Variants in VTI1A observed in about 807,000 individuals in gnomAD.
VTI1A encodes vesicle transport through interaction with t-SNAREs 1A.
A neutral mutation model predicts 34.9 loss-of-function variants in VTI1A; 22 were observed. The observed-to-expected ratio is 0.63, with a 90% CI of 0.45 to 0.90. VTI1A has a LOEUF of 0.90. VTI1A is among the 40% of genes least tolerant of loss of function. The probability of loss-of-function intolerance (pLI) is 0.00; values close to 1 mark genes in which losing one functional copy is unlikely to be tolerated. For synonymous variants in VTI1A, 87 were observed against 97.3 expected (o/e 0.89, Z 0.62); for missense variants, 268 against 275.6 (o/e 0.97, Z 0.20).
chr10:112,632,293 T>G (rs1846157152), intron 5 of VTI1A, among the ~76,000 whole-genome samples: 2 of 152,226 alleles, frequency 1.3e-5, no homozygotes. Flanking sequence ...TGAACGTAGT[T>G]TTCCATATGA....
the VTI1A span, among the ~76,000 whole-genome samples, chr10:112,842,037 C>CTTTTTTCTTTT: frequency 7.5e-5 from 3 of 39,902 alleles, no homozygotes; most frequent in African/African-American, 2.6e-4. Flanking sequence ...GAGTTCTTTT[C>CTTTTTTCTTTT]TTTTTTTTTT....
chr10:112,552,824 G>T (rs1259913262), intron 5 of VTI1A, among the ~76,000 whole-genome samples: 8 of 152,184 alleles, frequency 5.3e-5, no homozygotes, highest in Non-Finnish European at 2.9e-5. Context: ...TCATACTGTT[G>T]TGAGAACAAG....
chr10:112,614,112 A>T (rs145915854), intron 5 of VTI1A, among the ~76,000 whole-genome samples: 1 of 152,070 alleles, frequency 6.6e-6, no homozygotes, highest in Non-Finnish European at 1.5e-5. Flanking sequence ...GATTGTACTC[A>T]TGGAAATGTG....
chr10:112,578,774 A>G (rs1026651670), intron 5 of VTI1A, among the ~76,000 whole-genome samples: 1 of 152,214 alleles, frequency 6.6e-6, no homozygotes, highest in African/African-American at 2.4e-5. Context: ...TAAGATACCC[A>G]TTAGATGTAT....
chr10:112,619,357 G>A (rs1463521177), intron 5 of VTI1A, among the ~76,000 whole-genome samples: 2 of 152,042 alleles, frequency 1.3e-5, no homozygotes, highest in Non-Finnish European at 2.9e-5. Context: ...TCATCTGGAG[G>A]TCTGGGTAAG....
In VTI1A at chr10:112,806,000, A is replaced by G. The variant is rs553590709; in HGVS notation, c.561-9290A>G. ...AGAGCGTGCTGATTCCTGTTGAGCT[A>G]AGTATTAAGAAAAATTTAGAAACAG... On this transcript the variant is annotated intron_variant, in intron 7 of 7. Transcript: ENST00000393077. Among the ~76,000 whole-genome samples the G allele has an allele frequency of 3.3e-5, 5 of 152,276 alleles. No homozygotes were observed. In the South Asian group the frequency reaches 1.0e-3, roughly 32 times the overall value.
At chr10:112,736,565 G>A (rs1191531818) in intron 7 of VTI1A, among the ~76,000 whole-genome samples, 1 of 152,138 alleles carries the variant, frequency 6.6e-6, no homozygotes, top group African/African-American at 2.4e-5. Context: ...GAAATTGAAT[G>A]CAAGGAAAAG....
intron 1 of VTI1A, among the ~76,000 whole-genome samples, chr10:112,453,827 T>C (rs1217258229): frequency 4.6e-5 from 7 of 152,194 alleles, no homozygotes; most frequent in Non-Finnish European, 2.9e-5. Context: ...ATCTGGACAG[T>C]AGGTGTGCAC....
At chr10:112,528,843 A>G (rs1850331331) in intron 4 of VTI1A, among the ~76,000 whole-genome samples, 1 of 152,072 alleles carries the variant, frequency 6.6e-6, no homozygotes, top group African/African-American at 2.4e-5. Flanking sequence ...ATCGTAATGG[A>G]TGTTGTAGTT....
At chr10:112,524,378 G>T (rs1374022770) in intron 3 of VTI1A, among the ~76,000 whole-genome samples, 1 of 152,124 alleles carries the variant, frequency 6.6e-6, no homozygotes, top group Non-Finnish European at 1.5e-5. Flanking sequence ...TATTTGAAAT[G>T]AGTCGTCTTT....
At chr10:112,475,746 G>T (rs564149729) in intron 3 of VTI1A, among the ~76,000 whole-genome samples, 1 of 152,180 alleles carries the variant, frequency 6.6e-6, no homozygotes, top group Non-Finnish European at 1.5e-5. Flanking sequence ...AACCAGATAA[G>T]ATTTTGAGAG....
intron 4 of VTI1A, among the ~76,000 whole-genome samples, chr10:112,534,523 C>T (rs1850555338): frequency 6.6e-6 from 1 of 151,898 alleles, no homozygotes; most frequent in Admixed American, 6.6e-5. Context: ...TCATCATTCT[C>T]TAGGTGATAC....
At chr10:112,849,134 C>T in the VTI1A span, among the ~76,000 whole-genome samples, 1 of 152,192 alleles carries the variant, frequency 6.6e-6, no homozygotes, top group Non-Finnish European at 1.5e-5. Context: ...CGACCAGTTA[C>T]AAAAGTTATC....
chr10:112,501,428 A>C (rs1405275085), intron 3 of VTI1A, among the ~76,000 whole-genome samples: 1 of 152,126 alleles, frequency 6.6e-6, no homozygotes, highest in African/African-American at 2.4e-5. Context: ...GTTCTCTCTT[A>C]AGGTAAATTC....
At chr10:112,711,873 T>C (rs1175240333) in intron 7 of VTI1A, among the ~76,000 whole-genome samples, 3 of 152,202 alleles carry the variant, frequency 2.0e-5, no homozygotes, top group African/African-American at 7.2e-5. Flanking sequence ...TGGTTCCCTC[T>C]ATGTGGTTTT....
chr10:112,657,809 GTGTGTGTGTGTT>G (rs1431725095), intron 5 of VTI1A, among the ~76,000 whole-genome samples: 1 of 146,170 alleles, frequency 6.8e-6, no homozygotes. Context: ...TATATTGTGT[GTGTGTGTGTGTT>G]TGTGTGTGTA....
At chr10:112,511,587 C>T (rs1219326117) in intron 3 of VTI1A, among the ~76,000 whole-genome samples, 1 of 152,046 alleles carries the variant, frequency 6.6e-6, no homozygotes, top group Admixed American at 6.6e-5. Flanking sequence ...GTGTTCAATT[C>T]AGGTTATTTA....
chr10:112,502,536 A>G (rs1015562368), intron 3 of VTI1A, among the ~76,000 whole-genome samples: 1 of 152,228 alleles, frequency 6.6e-6, no homozygotes, highest in Non-Finnish European at 1.5e-5. Flanking sequence ...GGACGTCTGC[A>G]GATGTTTATG....
intron 7 of VTI1A, among the ~76,000 whole-genome samples, chr10:112,754,743 G>T (rs1470630159): frequency 6.6e-6 from 1 of 152,198 alleles, no homozygotes; most frequent in African/African-American, 2.4e-5. Context: ...ATGCAGGGGG[G>T]CACAGAGTGT....
Sources: gnomAD v4.1 joint callset for allele counts (sites outside exome capture counted in the v4.1 genomes callset) on GRCh38, gnomAD v4.1.1 for gene constraint, MANE v1.5 for transcripts, NCBI Gene and HGNC (gene_info 2026-07-23, HGNC 2026-07-21) for gene names.